GALNT13: variants seen among roughly 807,000 people sequenced by gnomAD.
The protein encoded by GALNT13 is polypeptide N-acetylgalactosaminyltransferase 13.
A neutral mutation model predicts 64.2 loss-of-function variants in GALNT13; 28 were observed. The observed-to-expected ratio is 0.44, with a 90% CI of 0.32 to 0.60. The LOEUF is 0.60. GALNT13 is among the 20% of genes least tolerant of loss of function. The probability of loss-of-function intolerance (pLI) is 0.05; values close to 1 mark genes in which losing one functional copy is unlikely to be tolerated. For missense variants in GALNT13, 577 were observed against 669.8 expected (o/e 0.86, Z 1.53); for synonymous variants, 214 against 224.6 (o/e 0.95, Z 0.42).
chr2:153,248,900 A>T, the GALNT13 span, among the ~76,000 whole-genome samples: 1 of 151,708 alleles, frequency 6.6e-6, no homozygotes. Flanking sequence ...AGAGCCATTT[A>T]TTACAAACCC....
chr2:153,538,545 C>A, the GALNT13 span, among the ~76,000 whole-genome samples: 184 of 64,582 alleles, frequency 2.8e-3, no homozygotes, highest in Middle Eastern at 6.8e-3. Flanking sequence ...TCCCCCCTCC[C>A]CCCACCCCAC....
intron 9 of GALNT13, among the ~76,000 whole-genome samples, chr2:154,354,337 A>G (rs1162010009): frequency 6.6e-6 from 1 of 150,504 alleles, no homozygotes; most frequent in Non-Finnish European, 1.5e-5. Context: ...TTCCCACTCC[A>G]CAGGTTGCCT....
the GALNT13 span, among the ~76,000 whole-genome samples, chr2:153,679,101 G>T: frequency 6.6e-6 from 1 of 151,812 alleles, no homozygotes; most frequent in Non-Finnish European, 1.5e-5. Flanking sequence ...GTTTTCAGGG[G>T]TTCTTGTTTG....
the GALNT13 span, among the ~76,000 whole-genome samples, chr2:153,266,493 C>T: frequency 6.6e-6 from 1 of 152,118 alleles, no homozygotes; most frequent in Admixed American, 6.6e-5. Flanking sequence ...CACAGTTTTA[C>T]ATGGCTGAAG....
the GALNT13 span, among the ~76,000 whole-genome samples, chr2:153,500,639 A>C: frequency 1.3e-5 from 2 of 152,224 alleles, no homozygotes; most frequent in African/African-American, 4.8e-5. Flanking sequence ...CTTAGTCTAA[A>C]ATGCAGACAA....
the GALNT13 span, among the ~76,000 whole-genome samples, chr2:153,349,602 G>A: frequency 2.6e-5 from 4 of 152,156 alleles, no homozygotes; most frequent in African/African-American, 9.7e-5. Flanking sequence ...GAATCAGGCT[G>A]CATTTCTGAG....
chr2:153,789,863 C>T, the GALNT13 span, among the ~76,000 whole-genome samples: 2 of 151,976 alleles, frequency 1.3e-5, no homozygotes, highest in Non-Finnish European at 1.5e-5. Flanking sequence ...ACACATACAC[C>T]CTCCTGAGAC....
the GALNT13 span, among the ~76,000 whole-genome samples, chr2:153,636,541 C>T: frequency 6.6e-6 from 1 of 152,044 alleles, no homozygotes; most frequent in African/African-American, 2.4e-5. Context: ...AACGTTCTCC[C>T]ACCCCAATCA....
chr2:153,515,099 G>A, the GALNT13 span, among the ~76,000 whole-genome samples: 5 of 152,298 alleles, frequency 3.3e-5, no homozygotes, highest in East Asian at 9.7e-4. Flanking sequence ...AGGTTTGGAT[G>A]TTGGGGGAGG....
intron 3 of GALNT13, among the ~76,000 whole-genome samples, chr2:153,972,667 A>T (rs959182167): frequency 6.6e-6 from 1 of 152,054 alleles, no homozygotes; most frequent in Non-Finnish European, 1.5e-5. Context: ...TGCTGTACCT[A>T]ATATAAAATA....
intron 11 of GALNT13, among the ~76,000 whole-genome samples, chr2:154,421,767 CAT>C (rs1465425544): frequency 2.0e-5 from 3 of 151,778 alleles, no homozygotes; most frequent in African/African-American, 7.3e-5. Flanking sequence ...TTAATTACAT[CAT>C]ATATAATTAT....
chr2:154,013,598 A>T (rs771773114), intron 3 of GALNT13, among the ~76,000 whole-genome samples: 2 of 152,108 alleles, frequency 1.3e-5, no homozygotes, highest in African/African-American at 2.4e-5. Flanking sequence ...GCCAGAGAAG[A>T]AGCGGCACAG....
At chr2:153,247,457 C>G in the GALNT13 span, among the ~76,000 whole-genome samples, 1 of 152,280 alleles carries the variant, frequency 6.6e-6, no homozygotes, top group South Asian at 2.1e-4. Context: ...ACAGTGCAAT[C>G]AAATTAGAAC....
chr2:153,804,814 C>A, the GALNT13 span, among the ~76,000 whole-genome samples: 90 of 152,060 alleles, frequency 5.9e-4, 1 homozygote, highest in Admixed American at 9.8e-4. Flanking sequence ...AAAATGAAAG[C>A]ACACCAGAAA....
At chr2:153,761,217 A>G in the GALNT13 span, among the ~76,000 whole-genome samples, 8 of 152,168 alleles carry the variant, frequency 5.3e-5, no homozygotes, top group African/African-American at 1.7e-4. Context: ...TAATTCATTT[A>G]CATTCAAAGT....
chr2:153,467,694 A>G, the GALNT13 span, among the ~76,000 whole-genome samples: 7 of 152,108 alleles, frequency 4.6e-5, no homozygotes, highest in African/African-American at 1.7e-4. Context: ...AATATGATTA[A>G]TACTAGCAGT....
the GALNT13 span, among the ~76,000 whole-genome samples, chr2:153,400,499 G>T: frequency 1.3e-5 from 2 of 152,252 alleles, no homozygotes; most frequent in Admixed American, 1.3e-4. Context: ...CAGAAGGAAT[G>T]GTACTAGTTC....
At chr2:153,203,612 C>T in the GALNT13 span, among the ~76,000 whole-genome samples, 175 of 152,148 alleles carry the variant, frequency 1.2e-3, 1 homozygote, top group African/African-American at 3.9e-3. Context: ...GTAGGCTATC[C>T]GGCTCCACAA....
At chr2:153,251,560 G>A in the GALNT13 span, among the ~76,000 whole-genome samples, 1 of 151,696 alleles carries the variant, frequency 6.6e-6, no homozygotes, top group African/African-American at 2.4e-5. Flanking sequence ...ATGCTGGTGC[G>A]CTGCACCCAC....
Sources: allele counts gnomAD v4.1 joint callset (sites outside exome capture counted in the v4.1 genomes callset), GRCh38; gene constraint gnomAD v4.1.1; transcripts MANE v1.5; gene names NCBI Gene and HGNC (gene_info 2026-07-23, HGNC 2026-07-21).